The following ATG4C variants were observed in gnomAD, a reference collection of about 807,000 sequenced individuals.
ATG4C encodes autophagy related 4C cysteine peptidase.
In ATG4C, 56 loss-of-function variants were observed where a neutral mutation model predicts 57.6. The ratio of observed to expected loss-of-function variants is 0.97; its 90% confidence interval spans 0.78 to 1.21. The LOEUF is 1.21. ATG4C is among the 50% of genes most tolerant of loss of function. The pLI is 0.00. For synonymous variants in ATG4C, 157 were observed against 174.1 expected (o/e 0.90, Z 0.78); for missense variants, 595 against 529.8 (o/e 1.12, Z -1.21).
At chr1:62,823,160 A>C (rs1241447368) in intron 6 of ATG4C, among the ~76,000 whole-genome samples, 2 of 152,204 alleles carry the variant, frequency 1.3e-5, no homozygotes, top group Non-Finnish European at 2.9e-5. Flanking sequence ...GTCTCAAAAA[A>C]CATTTCTAAC....
chr1:62,864,166 G>A lies in ATG4C; in HGVS notation c.*7G>A, dbSNP rs762351125. On this transcript the variant is annotated 3_prime_UTR_variant, in exon 11 of 11. Coordinates refer to ENST00000317868, the MANE Select transcript of ATG4C (RefSeq NM_032852.4). ...AGAGTTTGTCTTGCTTTAAAGATTA[G>A]CACATTTGTGCTTGATAAGAAGAAT... 6.3e-7 allele frequency: 1 copy of A among 1,583,822 alleles called. No homozygotes were observed. Among genetic ancestry groups the A allele is most frequent in the Admixed American group, 2.0e-5 (1 of 50,332 alleles).
chr1:62,854,521 C>G lies in ATG4C; in HGVS notation c.1210-9471C>G, dbSNP rs201883838. 9.9e-5 allele frequency among the ~76,000 whole-genome samples: 15 copies of G among 152,282 alleles called. No homozygotes were observed. In the East Asian group the frequency reaches 2.5e-3, roughly 25 times the overall value. ...CTCGATCTCCTGACCTTGTGATCCT[C>G]CCACCTCGGCCTCCCAAAGTGCTGG... On this transcript the variant is annotated intron_variant, in intron 10 of 10. Coordinates refer to ENST00000317868, the MANE Select transcript of ATG4C (RefSeq NM_032852.4).
At chr1:62,816,990 T>C (rs1038406045) in intron 4 of ATG4C, among the ~76,000 whole-genome samples, 182 bp downstream of exon 4, 2 of 152,230 alleles carry the variant, frequency 1.3e-5, no homozygotes, top group African/African-American at 4.8e-5. Flanking sequence ...GGGTCAGATA[T>C]GACTTATATG....
At position 62,828,995 on chromosome 1, in the gene ATG4C, C is replaced by A. The variant is rs1455437980; in HGVS notation, c.797-45C>A. 3 of 1,520,162 alleles carry A rather than the reference C, an allele frequency of 2.0e-6. No individual in the cohort carries two copies. The East Asian group carries it at 7.3e-5, about 37-fold the overall frequency. The allele number at this position is 1,520,162 out of a possible 1,614,324, so 94.2% of individuals were successfully genotyped here. On this transcript the variant is annotated intron_variant, in intron 6 of 10. Transcript: ENST00000317868. ...TTTGGGTAAAAATATTTCTGAAAAT[C>A]GCTTTTATATAAAATTTAATACATA...
chr1:62,809,401 A>G (rs911281452), intron 3 of ATG4C, among the ~76,000 whole-genome samples: 2 of 148,290 alleles, frequency 1.3e-5, no homozygotes, highest in African/African-American at 4.9e-5. Context: ...ATATGTTTAT[A>G]TACATATGTG....
At position 62,865,276 on chromosome 1, in the gene ATG4C, ATTT is replaced by A. The variant is rs959533679; in HGVS notation, c.*1122_*1124del. ...ATATATTGCTCTGAAAACAATATTA[ATTT>A]TTTTAAGTGGAGCTTTCATGTTTCA... On this transcript the variant is annotated 3_prime_UTR_variant, in exon 11 of 11. Coordinates refer to ENST00000317868, the MANE Select transcript of ATG4C (RefSeq NM_032852.4). The A allele has an allele frequency of 6.6e-6, 1 of 151,852 alleles. No homozygotes were observed. The highest frequency in any genetic ancestry group is 6.6e-5 in the Admixed American group (1 of 15,240). 9.4% of individuals were successfully genotyped at this position (151,852 alleles called of 1,614,324 possible). A position where few individuals can be genotyped will look rare whatever the true frequency, so the allele number is the denominator to read the frequency against.
chr1:62,838,736 C>T (rs1666075955), intron 9 of ATG4C, among the ~76,000 whole-genome samples: 1 of 150,510 alleles, frequency 6.6e-6, no homozygotes, highest in Admixed American at 6.6e-5. Context: ...GCAGAGATCG[C>T]ACCACTGCAC....
chr1:62,813,552 G>T (rs1665162475), intron 3 of ATG4C, among the ~76,000 whole-genome samples: 1 of 152,174 alleles, frequency 6.6e-6, no homozygotes, highest in Non-Finnish European at 1.5e-5. Context: ...AGGACTTCAT[G>T]TCTAAAACAC....
intron 1 of ATG4C, among the ~76,000 whole-genome samples, chr1:62,800,850 C>T (rs182567759): frequency 7.6e-4 from 115 of 152,220 alleles, no homozygotes; most frequent in African/African-American, 2.6e-3. Context: ...AACGTAGGAT[C>T]CTATGAGAAC....
chr1:62,815,673 C>T (rs1380368463), intron 3 of ATG4C, among the ~76,000 whole-genome samples: 4 of 151,976 alleles, frequency 2.6e-5, no homozygotes, highest in South Asian at 2.1e-4. Context: ...GTATCTGCAC[C>T]GCACCTGGTT....
intron 9 of ATG4C, among the ~76,000 whole-genome samples, chr1:62,836,901 T>TA (rs1210919271): frequency 6.6e-6 from 1 of 152,128 alleles, no homozygotes; most frequent in Non-Finnish European, 1.5e-5. Context: ...AGTGGGATGA[T>TA]ATGAGAATAT....
intron 6 of ATG4C, among the ~76,000 whole-genome samples, chr1:62,821,547 A>G (rs1272818415): frequency 6.6e-6 from 1 of 152,066 alleles, no homozygotes; most frequent in Non-Finnish European, 1.5e-5. Flanking sequence ...AGGAAAGAAA[A>G]TTCTTAGTTT....
intron 1 of ATG4C, among the ~76,000 whole-genome samples, chr1:62,797,469 C>G (rs536710467): frequency 6.6e-6 from 1 of 152,158 alleles, no homozygotes; most frequent in South Asian, 2.1e-4. Context: ...GTTAATTATG[C>G]TTGTTTTTTC....
intron 6 of ATG4C, among the ~76,000 whole-genome samples, chr1:62,823,073 T>C (rs1463698922): frequency 6.6e-6 from 1 of 152,178 alleles, no homozygotes; most frequent in Non-Finnish European, 1.5e-5. Flanking sequence ...GGAGGATCAC[T>C]TGAGCCCTGA....
chr1:62,804,245 C>T (rs1218783775), intron 2 of ATG4C, among the ~76,000 whole-genome samples: 1 of 151,140 alleles, frequency 6.6e-6, no homozygotes, highest in Non-Finnish European at 1.5e-5. Flanking sequence ...CACTACCACA[C>T]CTGGCTAATT....
intron 7 of ATG4C, among the ~76,000 whole-genome samples, chr1:62,832,428 C>T (rs1343833742): frequency 6.6e-6 from 1 of 152,152 alleles, no homozygotes; most frequent in Non-Finnish European, 1.5e-5. Flanking sequence ...TGATGAAGGT[C>T]TCCTTGCTGC....
intron 10 of ATG4C, among the ~76,000 whole-genome samples, chr1:62,850,346 T>A (rs1428627984): frequency 6.6e-6 from 1 of 152,160 alleles, no homozygotes; most frequent in Non-Finnish European, 1.5e-5. Context: ...CTAACTGATC[T>A]CCCTTGCTCT....
chr1:62,843,077 A>G (rs753597695), intron 10 of ATG4C, among the ~76,000 whole-genome samples: 16 of 152,148 alleles, frequency 1.1e-4, no homozygotes, highest in Non-Finnish European at 2.4e-4. Context: ...ATCTGGATGA[A>G]AATAAATATG....
At chr1:62,827,990 C>T (rs1489847744) in intron 6 of ATG4C, among the ~76,000 whole-genome samples, 2 of 152,176 alleles carry the variant, frequency 1.3e-5, no homozygotes, top group African/African-American at 4.8e-5. Context: ...GACATGATCT[C>T]ATTCTTTTTT....
Sources: allele counts gnomAD v4.1 joint callset (sites outside exome capture counted in the v4.1 genomes callset), GRCh38; gene constraint gnomAD v4.1.1; transcripts MANE v1.5; gene names NCBI Gene and HGNC (gene_info 2026-07-23, HGNC 2026-07-21).